The following PHIP variants were observed in gnomAD, a reference collection of about 807,000 sequenced individuals.
PHIP encodes the protein PHIP subunit of CUL4-Ring ligase complex, also known as PH-interacting protein.
A neutral mutation model predicts 236.8 loss-of-function variants in PHIP; 54 were observed. The observed-to-expected ratio is 0.23, with a 90% CI of 0.18 to 0.29. The LOEUF (loss-of-function observed/expected upper bound fraction) is 0.29. Among genes scored for constraint, PHIP ranks in the 10% least tolerant of loss-of-function variants. PHIP has a pLI of 1.00. For missense variants in PHIP, 1,370 were observed against 2,190.8 expected (o/e 0.63, Z 7.48); for synonymous variants, 756 against 718.9 (o/e 1.05, Z -0.83).
In PHIP at chr6:78,945,996, C is replaced by G; in HGVS notation, c.4630+5G>C. ...ATACATTTCAATTTAGAAAGTGAGT[C>G]TTACTTGTTTTCCCTGGTATTGCAG... is the stretch of plus-strand genomic sequence containing the variant. On this transcript the variant is annotated splice_donor_5th_base_variant and intron_variant, in intron 38 of 39. Transcript: ENST00000275034. The G allele has an allele frequency of 6.3e-7, 1 of 1,596,346 alleles. No individual in the cohort carries two copies. The highest frequency in any genetic ancestry group is 1.1e-5 in the South Asian group (1 of 90,536).
chr6:78,965,831 A>G lies in PHIP; in HGVS notation c.3318-67T>C, dbSNP rs1266470259. ...TTGTATCACAATTTTAATAAAATCA[A>G]TTATCAAAATAATTGCTTCTGTGTT... On this transcript the variant is annotated intron_variant, in intron 28 of 39. Coordinates refer to ENST00000275034, the MANE Select transcript of PHIP (RefSeq NM_017934.7). 1.7e-5 allele frequency: 20 copies of G among 1,176,020 alleles called. 1 individual carries two copies. The allele number at this position is 1,176,020 out of a possible 1,614,324, so 72.8% of individuals were successfully genotyped here.
intron 21 of PHIP, among the ~76,000 whole-genome samples, chr6:78,986,960 C>A (rs1248366797): frequency 6.6e-6 from 1 of 152,038 alleles, no homozygotes; most frequent in Non-Finnish European, 1.5e-5. Flanking sequence ...ATTATTCCTA[C>A]ATTCCAAATA....
chr6:78,940,791 G>A lies in PHIP; in HGVS notation c.5368C>T (p.Leu1790=). 6.2e-7 allele frequency: 1 copy of A among 1,613,774 alleles called. No individual in the cohort carries two copies. The highest frequency in any genetic ancestry group is 1.1e-5 in the South Asian group (1 of 91,068). ...EDDSEEEQRQ[L]LFEDTSLTFG... ...GTTAAAGAGGTGTCTTCGAACAACA[G>A]CTGCCTTTGCTCCTCTTCAGAGTCA... The change falls in exon 40 of 40, where the codon CTG becomes TTG. Residue 1790 remains leucine (L), a synonymous_variant. Coordinates refer to ENST00000275034, the MANE Select transcript of PHIP (RefSeq NM_017934.7).
In PHIP at chr6:78,958,515, A is replaced by G. The variant is rs1427865100; in HGVS notation, c.3742T>C (p.Ser1248Pro). Residue 1248 changes from serine to proline, a missense_variant, in exon 32 of 40, where the codon TCT becomes CCT. Coordinates refer to ENST00000275034, the MANE Select transcript of PHIP (RefSeq NM_017934.7). ...AGAAGATCAGTCACGAATTTAGCAGATTTCACAATAGGGCTTCCAGGCTCA... is the reference window on the plus strand; with the variant it reads ...AGAAGATCAGTCACGAATTTAGCAGGTTTCACAATAGGGCTTCCAGGCTCA... ...FNEPGSPIVK[S>P]AKFVTDLLLH... 6.4e-7 allele frequency: 1 copy of G among 1,566,556 alleles called. No individual in the cohort carries two copies. Among genetic ancestry groups the G allele is most frequent in the Non-Finnish European group, 8.8e-7 (1 of 1,137,574 alleles).
chr6:79,001,718 C>A lies in PHIP; in HGVS notation c.1879+181G>T, dbSNP rs547615419. Among the ~76,000 whole-genome samples the A allele has an allele frequency of 3.0e-4, 45 of 152,206 alleles. 1 individual carries two copies. In the South Asian group the frequency reaches 9.3e-3, roughly 32 times the overall value. On this transcript the variant is annotated intron_variant, in intron 17 of 39. Transcript: ENST00000275034. Reference sequence around the variant, plus strand: ...ATAAATCAAAATTATTACTGTAAATCGCCCATGTTCCATAATTAACTTGTA... The same window carrying A: ...ATAAATCAAAATTATTACTGTAAATAGCCCATGTTCCATAATTAACTTGTA...
At chr6:79,027,920 G>C (rs1378406596) in intron 7 of PHIP, among the ~76,000 whole-genome samples, 1 of 152,100 alleles carries the variant, frequency 6.6e-6, no homozygotes, top group Non-Finnish European at 1.5e-5. Flanking sequence ...TCATAGGATT[G>C]TCACAAAACT....
chr6:79,058,191 G>A (rs903797943), intron 6 of PHIP, among the ~76,000 whole-genome samples: 2 of 151,918 alleles, frequency 1.3e-5, no homozygotes, highest in Admixed American at 6.6e-5. Flanking sequence ...CACCTGCTTG[G>A]CAATTAATTC....
intron 15 of PHIP, among the ~76,000 whole-genome samples, chr6:79,008,155 C>T (rs965492543): frequency 5.3e-5 from 8 of 151,316 alleles, no homozygotes; most frequent in Non-Finnish European, 1.5e-5. Flanking sequence ...TGTGCCACTG[C>T]ACTCCAGCCT....
At chr6:78,979,700 T>C (rs1215309001) in intron 23 of PHIP, among the ~76,000 whole-genome samples, 1 of 152,122 alleles carries the variant, frequency 6.6e-6, no homozygotes, top group Non-Finnish European at 1.5e-5. Flanking sequence ...TAAAAAAAGT[T>C]ATGCAATTGA....
At chr6:78,979,478 A>C (rs1768359283) in intron 23 of PHIP, among the ~76,000 whole-genome samples, 1 of 152,016 alleles carries the variant, frequency 6.6e-6, no homozygotes, top group South Asian at 2.1e-4. Context: ...AGGTATTCTC[A>C]TAGGAGTTGA....
chr6:78,974,922 A>G (rs1272009223), intron 24 of PHIP, among the ~76,000 whole-genome samples: 1 of 151,798 alleles, frequency 6.6e-6, no homozygotes, highest in Non-Finnish European at 1.5e-5. Flanking sequence ...AGATGGATTC[A>G]CAGCCGAATT....
intron 6 of PHIP, among the ~76,000 whole-genome samples, chr6:79,051,494 C>G (rs1198770203): frequency 6.6e-6 from 1 of 152,150 alleles, no homozygotes; most frequent in Non-Finnish European, 1.5e-5. Context: ...CTAAAATAAT[C>G]AGTATGCACA....
intron 6 of PHIP, among the ~76,000 whole-genome samples, chr6:79,051,878 CAATT>C (rs1340231442): frequency 5.3e-5 from 8 of 151,994 alleles, no homozygotes; most frequent in South Asian, 2.1e-4. Context: ...GTTTTAATAA[CAATT>C]TATTTTTCTT....
At chr6:78,953,210 G>A (rs976942335) in intron 35 of PHIP, among the ~76,000 whole-genome samples, 2 of 152,166 alleles carry the variant, frequency 1.3e-5, no homozygotes, top group South Asian at 2.1e-4. Flanking sequence ...ATTCTTTGTT[G>A]TGAAAGGAAT....
At chr6:79,017,637 G>C in intron 10 of PHIP, 54 bp from the exon 11 acceptor site, 3 of 1,271,858 alleles carry the variant, frequency 2.4e-6, no homozygotes, top group Non-Finnish European at 3.4e-6. Context: ...CAAAATCTCT[G>C]AAAATTAGAT....
At chr6:79,073,178 A>C (rs1773975952) in intron 4 of PHIP, among the ~76,000 whole-genome samples, 1 of 152,228 alleles carries the variant, frequency 6.6e-6, no homozygotes, top group South Asian at 2.1e-4. Context: ...GCATTTAAAA[A>C]GTTTGTAAAT....
In PHIP at chr6:78,945,987, A is replaced by G. The variant is rs762602704; in HGVS notation, c.4630+14T>C. 12 of 1,579,772 alleles carry G rather than the reference A, an allele frequency of 7.6e-6. No homozygotes were observed. Among genetic ancestry groups the G allele is most frequent in the Non-Finnish European group, 1.0e-5 (12 of 1,150,528 alleles). ...AATCATCATATACATTTCAATTTAG[A>G]AAGTGAGTCTTACTTGTTTTCCCTG... On this transcript the variant is annotated intron_variant, in intron 38 of 39. Coordinates refer to ENST00000275034, the MANE Select transcript of PHIP (RefSeq NM_017934.7).
intron 32 of PHIP, chr6:78,957,744 T>C (rs1453401015): frequency 1.3e-5 from 2 of 151,990 alleles, no homozygotes; most frequent in South Asian, 2.1e-4. Context: ...GTACAAAATA[T>C]AGAATTCATT....
rs149024198 is a variant in PHIP at position 79,004,184 on chromosome 6, A to AT, written c.1525-327dup. On this transcript the variant is annotated intron_variant, in intron 15 of 39. Transcript: ENST00000275034. Reference sequence around the variant, plus strand: ...CTTACACTCCATCTATCTCCGTTCAATCATGCCCTTTCTGCAAAAGCTGAC... The same window carrying AT: ...CTTACACTCCATCTATCTCCGTTCAATTCATGCCCTTTCTGCAAAAGCTGAC... 9.5e-4 allele frequency among the ~76,000 whole-genome samples: 145 copies of AT among 152,180 alleles called. 1 individual carries two copies. The highest frequency in any genetic ancestry group is 3.3e-3 in the African/African-American group (139 of 41,544).
Sources: gnomAD v4.1 joint callset for allele counts (sites outside exome capture counted in the v4.1 genomes callset) on GRCh38, gnomAD v4.1.1 for gene constraint, MANE v1.5 for transcripts, NCBI Gene and HGNC (gene_info 2026-07-23, HGNC 2026-07-21) for gene names.